The following SNX25 variants were observed in gnomAD, a reference collection of about 807,000 sequenced individuals.
The protein encoded by SNX25 is sorting nexin-25.
A neutral mutation model predicts 113.7 loss-of-function variants in SNX25; 62 were observed. That is an observed-to-expected ratio of 0.55 (90% CI 0.44 to 0.67). The LOEUF (loss-of-function observed/expected upper bound fraction) is 0.67, where lower values mean the gene tolerates loss of function less well. SNX25 is among the 30% of genes least tolerant of loss of function. The probability of loss-of-function intolerance (pLI) is 0.00; values close to 1 mark genes in which losing one functional copy is unlikely to be tolerated. For synonymous variants in SNX25, 421 were observed against 436.2 expected, an observed-to-expected ratio of 0.97 and a Z score of 0.43; for missense variants, 1,014 against 1,161.0, an observed-to-expected ratio of 0.87 and a Z score of 1.84.
intron 5 of SNX25, among the ~76,000 whole-genome samples, chr4:185,286,768 A>G (rs1240329486): frequency 1.3e-5 from 2 of 152,230 alleles, no homozygotes; most frequent in Admixed American, 1.3e-4. Context: ...TGGCATGCCA[A>G]CACTGCTCCT....
At chr4:185,337,001 A>G (rs2095234428) in intron 10 of SNX25, among the ~76,000 whole-genome samples, 1 of 151,806 alleles carries the variant, frequency 6.6e-6, no homozygotes, top group Non-Finnish European at 1.5e-5. Context: ...CCACTTTTTG[A>G]TGGGATTGTT....
At chr4:185,237,848 A>G (rs1310730330) in intron 1 of SNX25, among the ~76,000 whole-genome samples, 1 of 151,670 alleles carries the variant, frequency 6.6e-6, no homozygotes, top group African/African-American at 2.4e-5. Context: ...GGATCACCTG[A>G]GGTCAGGAGT....
At chr4:185,240,248 T>G (rs1306752585) in intron 1 of SNX25, among the ~76,000 whole-genome samples, 91 of 149,876 alleles carry the variant, frequency 6.1e-4, no homozygotes, top group African/African-American at 1.9e-3. Flanking sequence ...AAACCGCCAT[T>G]GTCATCATGG....
At chr4:185,240,672 G>A (rs1179716206) in intron 1 of SNX25, among the ~76,000 whole-genome samples, 31 of 151,452 alleles carry the variant, frequency 2.0e-4, no homozygotes, top group African/African-American at 7.0e-4. Context: ...CCTCCCTTCC[G>A]GACGGGGCGG....
At chr4:185,339,535 A>G (rs1382627565) in intron 11 of SNX25, 25 bp downstream of exon 11, 7 of 1,589,506 alleles carry the variant, frequency 4.4e-6, no homozygotes, top group Non-Finnish European at 6.0e-6. Context: ...TTTTCCTCTT[A>G]ATTTATTTTA....
At chr4:185,328,936 G>A (rs926350926) in intron 9 of SNX25, among the ~76,000 whole-genome samples, 4 of 152,084 alleles carry the variant, frequency 2.6e-5, no homozygotes, top group African/African-American at 9.7e-5. Context: ...GCAGATGCAG[G>A]GAAATGAGAA....
intron 12 of SNX25, among the ~76,000 whole-genome samples, chr4:185,343,853 C>T (rs542297734): frequency 1.3e-5 from 2 of 152,160 alleles, no homozygotes; most frequent in South Asian, 2.1e-4. Flanking sequence ...AAGAGTGAGG[C>T]GTGACAAAAA....
chr4:185,257,322 A>G (rs541286535), intron 2 of SNX25, among the ~76,000 whole-genome samples: 130 of 151,838 alleles, frequency 8.6e-4, no homozygotes, highest in Admixed American at 1.2e-3. Flanking sequence ...CTAATATTTT[A>G]TTTTTCAAAA....
chr4:185,238,068 A>C lies in SNX25; in HGVS notation c.430-9226A>C, dbSNP rs1052051890. 1.2e-3 allele frequency among the ~76,000 whole-genome samples: 189 copies of C among 151,328 alleles called. 3 individuals are homozygous for C. Among genetic ancestry groups the C allele is most frequent in the East Asian group, 1.7e-3 (9 of 5,164 alleles). Reference sequence around the variant, plus strand: ...ACAGAGCGAGACTCCATCTCAAAAAAAAAAAAAAAAAAAAAAATTTAGAGC... The same window carrying C: ...ACAGAGCGAGACTCCATCTCAAAAACAAAAAAAAAAAAAAAAATTTAGAGC... On this transcript the variant is annotated intron_variant, in intron 1 of 18. Coordinates refer to ENST00000652585, the MANE Select transcript of SNX25 (RefSeq NM_001378034.2).
intron 6 of SNX25, among the ~76,000 whole-genome samples, chr4:185,305,012 T>C (rs1036199940): frequency 1.3e-5 from 2 of 152,092 alleles, no homozygotes; most frequent in Non-Finnish European, 2.9e-5. Context: ...TTGTCCTCTG[T>C]TTGCTCTAAC....
intron 7 of SNX25, among the ~76,000 whole-genome samples, chr4:185,314,743 A>G: frequency 6.6e-6 from 1 of 151,102 alleles, no homozygotes; most frequent in East Asian, 2.0e-4. Flanking sequence ...CTATAATCCC[A>G]GGTACTCGGG....
chr4:185,350,395 A>G (rs1268604420), intron 13 of SNX25, among the ~76,000 whole-genome samples: 1 of 152,172 alleles, frequency 6.6e-6, no homozygotes, highest in Non-Finnish European at 1.5e-5. Context: ...TCCTAAGCCC[A>G]GTGTCTTATA....
chr4:185,376,958 T>C, the SNX25 span: 3 of 1,613,924 alleles, frequency 1.9e-6, no homozygotes, highest in Admixed American at 5.0e-5. Flanking sequence ...AGTGTCTCCT[T>C]TCAGTATTCT....
At chr4:185,312,899 C>G (rs1470180164) in intron 7 of SNX25, among the ~76,000 whole-genome samples, 1 of 152,162 alleles carries the variant, frequency 6.6e-6, no homozygotes, top group Non-Finnish European at 1.5e-5. Context: ...CAGAGTAAAA[C>G]CATTTCCTCT....
rs980888795 is a variant in SNX25, at chr4:185,286,758, T to C, written c.1092-1254T>C. On this transcript the variant is annotated intron_variant, in intron 5 of 18. Transcript: ENST00000652585. ...GGCAGTGTCTGCCACCATCTCTGACTGGCATGCCAACACTGCTCCTGACAG... is the reference window on the plus strand; with the variant it reads ...GGCAGTGTCTGCCACCATCTCTGACCGGCATGCCAACACTGCTCCTGACAG... Among the ~76,000 whole-genome samples, 3 of 152,244 alleles carry C rather than the reference T, an allele frequency of 2.0e-5. No homozygotes were observed. The South Asian group carries it at 6.2e-4, about 31-fold the overall frequency.
At chr4:185,212,121 C>G (rs1208160080) in intron 1 of SNX25, among the ~76,000 whole-genome samples, 1 of 151,780 alleles carries the variant, frequency 6.6e-6, no homozygotes, top group Non-Finnish European at 1.5e-5. Flanking sequence ...CCTTGAATTC[C>G]TAAAATAGCC....
chr4:185,340,490 C>A, intron 11 of SNX25, among the ~76,000 whole-genome samples: 1 of 152,138 alleles, frequency 6.6e-6, no homozygotes, highest in East Asian at 1.9e-4. Flanking sequence ...AGGCAGAGAG[C>A]AGTGGATCAG....
At position 185,258,905 on chromosome 4, in the gene SNX25, A is replaced by T; in HGVS notation, c.572A>T (p.Asp191Val). Reference sequence around the variant, plus strand: ...TCCTGGTATGGAAACCTCAGCAGAGATGAGGGACAACTTTACCATCTGCTC... The same window carrying T: ...TCCTGGTATGGAAACCTCAGCAGAGTTGAGGGACAACTTTACCATCTGCTC... ...ILSWYGNLSR[D>V]EGQLYHLLLE... Residue 191 changes from aspartate (D) to valine (V), a missense_variant, in exon 3 of 19, where the codon GAT becomes GTT. Physicochemically the swap from Asp to Val is radical, Grantham distance 152 (BLOSUM62 -3). Coordinates refer to ENST00000652585, the MANE Select transcript of SNX25 (RefSeq NM_001378034.2). The T allele has an allele frequency of 6.2e-7, 1 of 1,614,118 alleles. No homozygotes were observed. Among genetic ancestry groups the T allele is most frequent in the Non-Finnish European group, 8.5e-7 (1 of 1,180,000 alleles).
At chr4:185,283,346 A>T (rs545065145) in intron 5 of SNX25, among the ~76,000 whole-genome samples, 2 of 152,238 alleles carry the variant, frequency 1.3e-5, no homozygotes, top group Admixed American at 1.3e-4. Context: ...GGAGTGTTTA[A>T]TAAGAGTTAA....
Sources: allele counts gnomAD v4.1 joint callset (sites outside exome capture counted in the v4.1 genomes callset), GRCh38; gene constraint gnomAD v4.1.1; transcripts MANE v1.5; gene names NCBI Gene and HGNC (gene_info 2026-07-23, HGNC 2026-07-21).